TXNRD1: variants seen among roughly 807,000 people sequenced by gnomAD.
TXNRD1 encodes thioredoxin reductase 1, cytoplasmic.
TXNRD1 carries 57 observed loss-of-function variants against 80.3 expected under a neutral mutation model. The ratio of observed to expected loss-of-function variants is 0.71; its 90% CI spans 0.57 to 0.89. The LOEUF is 0.89. TXNRD1 is among the 40% of genes least tolerant of loss of function. The probability of loss-of-function intolerance (pLI) is 0.00; values close to 1 mark genes in which losing one functional copy is unlikely to be tolerated. For synonymous variants in TXNRD1, 291 were observed against 285.2 expected (o/e 1.02, Z -0.20); for missense variants, 730 against 803.0 (o/e 0.91, Z 1.10).
At position 104,287,454 on chromosome 12, in the gene TXNRD1, G is replaced by A. The variant is rs754051567; in HGVS notation, c.305-1477G>A. ...TGGGTATTGTATCGTTTCTTACAGA[G>A]TCCGAGTCTTGAAATGTAGATGACA... On this transcript the variant is annotated intron_variant, in intron 3 of 16. Coordinates refer to ENST00000525566, the MANE Select transcript of TXNRD1 (RefSeq NM_001093771.3). The A allele has an allele frequency of 1.4e-5, 22 of 1,612,214 alleles. 1 individual carries two copies. In the South Asian group the frequency reaches 1.9e-4, roughly 14 times the overall value.
At chr12:104,291,350 G>A (rs1306077686) in intron 4 of TXNRD1, among the ~76,000 whole-genome samples, 2 of 150,402 alleles carry the variant, frequency 1.3e-5, no homozygotes, top group African/African-American at 4.9e-5. Context: ...ACAGGCACAC[G>A]CCACCACACC....
intron 3 of TXNRD1, chr12:104,280,460 G>A (rs200086817): frequency 6.6e-6 from 1 of 152,184 alleles, no homozygotes; most frequent in African/African-American, 2.4e-5. Flanking sequence ...CCAGGGCTCT[G>A]TCCTGGGCCA....
intron 14 of TXNRD1, among the ~76,000 whole-genome samples, chr12:104,332,772 G>T (rs1049983270): frequency 6.8e-5 from 7 of 102,722 alleles, no homozygotes; most frequent in African/African-American, 2.7e-4. Flanking sequence ...AAAAAAAAAA[G>T]AATAGTATAT....
intron 3 of TXNRD1, among the ~76,000 whole-genome samples, chr12:104,272,567 A>G (rs868759082): frequency 6.6e-6 from 1 of 152,216 alleles, no homozygotes; most frequent in Middle Eastern, 3.4e-3. Context: ...GGCCAAGGCG[A>G]GCAGATCACG....
intron 3 of TXNRD1, among the ~76,000 whole-genome samples, chr12:104,277,116 G>A (rs749709470): frequency 3.4e-4 from 52 of 151,824 alleles, no homozygotes; most frequent in Non-Finnish European, 6.6e-4. Flanking sequence ...CATAGGCCGG[G>A]TGCGGTGGCT....
At chr12:104,320,355 T>G (rs2135829079) in intron 9 of TXNRD1, among the ~76,000 whole-genome samples, 1 of 152,330 alleles carries the variant, frequency 6.6e-6, no homozygotes, top group South Asian at 2.1e-4. Context: ...GAGGCAGGTC[T>G]CTGGGGCCTT....
chr12:104,325,373 A>G lies in TXNRD1; in HGVS notation c.1252A>G (p.Arg418Gly). The G allele has an allele frequency of 1.9e-6, 3 of 1,613,566 alleles. No homozygotes were observed. The highest frequency in any genetic ancestry group is 2.5e-6 in the Non-Finnish European group (3 of 1,179,702). ...TGAAGCAGGGACACCAGGCCGACTC[A>G]GAGTAGTAGCTCAGTCCACCAATAG... ...QIEAGTPGRL[R>G]VVAQSTNSEE... Residue 418 changes from arginine (R) to glycine (G), a missense_variant, in exon 11 of 17, where the codon AGA becomes GGA. Coordinates refer to ENST00000525566, the MANE Select transcript of TXNRD1 (RefSeq NM_001093771.3).
rs2036561504 is a variant in TXNRD1 at position 104,348,450 on chromosome 12, T to G, written c.*29T>G. On this transcript the variant is annotated 3_prime_UTR_variant, in exon 17 of 17. Coordinates refer to ENST00000525566, the MANE Select transcript of TXNRD1 (RefSeq NM_001093771.3). ...CCAGTGTGGATGCTGTTGCCAAGAC[T>G]GCAAACCACTGGCTCGTTTCCGTGC... 6.2e-7 allele frequency: 1 copy of G among 1,610,330 alleles called. No individual in the cohort carries two copies. Among genetic ancestry groups the G allele is most frequent in the East Asian group, 2.2e-5 (1 of 44,850 alleles).
At chr12:104,239,827 A>C (rs1202616224) in intron 1 of TXNRD1, among the ~76,000 whole-genome samples, 1 of 152,118 alleles carries the variant, frequency 6.6e-6, no homozygotes, top group Non-Finnish European at 1.5e-5. Context: ...CTTTCTAGGA[A>C]TTTGTTCATT....
chr12:104,291,736 C>T (rs2135752626), intron 4 of TXNRD1, among the ~76,000 whole-genome samples: 1 of 152,314 alleles, frequency 6.6e-6, no homozygotes, highest in Non-Finnish European at 1.5e-5. Flanking sequence ...CCCACTTCGG[C>T]CTTCCAAAGT....
intron 4 of TXNRD1, among the ~76,000 whole-genome samples, chr12:104,293,073 C>G (rs553796591): frequency 6.6e-6 from 1 of 152,242 alleles, no homozygotes; most frequent in African/African-American, 2.4e-5. Context: ...CTTTCATAAA[C>G]ATCTTGGTTT....
chr12:104,263,881 A>T (rs1038514979), intron 3 of TXNRD1, among the ~76,000 whole-genome samples: 1 of 152,156 alleles, frequency 6.6e-6, no homozygotes. Context: ...TCTCTTACTT[A>T]ATCCTCACAA....
intron 1 of TXNRD1, among the ~76,000 whole-genome samples, chr12:104,216,477 A>G (rs116897429): frequency 0.019 from 2,963 of 152,324 alleles, 42 homozygotes; most frequent in Middle Eastern, 0.078. Context: ...TTCTTCCAGA[A>G]GAGAAAGCTC....
chr12:104,266,323 C>G (rs748408276), intron 3 of TXNRD1, among the ~76,000 whole-genome samples: 1 of 151,906 alleles, frequency 6.6e-6, no homozygotes, highest in Non-Finnish European at 1.5e-5. Flanking sequence ...GTGGGGAGAT[C>G]GAGACCATCC....
chr12:104,343,343 T>C (rs555632425), intron 16 of TXNRD1, among the ~76,000 whole-genome samples: 2 of 152,242 alleles, frequency 1.3e-5, no homozygotes, highest in African/African-American at 4.8e-5. Context: ...CCACAGACTG[T>C]CCTACCATAT....
chr12:104,262,583 A>G (rs2033390320), intron 3 of TXNRD1: 1 of 152,212 alleles, frequency 6.6e-6, no homozygotes, highest in African/African-American at 2.4e-5. Flanking sequence ...GGCCTGGATC[A>G]TAGTGGGTAT....
At chr12:104,265,571 G>T (rs2033464948) in intron 3 of TXNRD1, 4 of 1,608,452 alleles carry the variant, frequency 2.5e-6, no homozygotes, top group Non-Finnish European at 3.4e-6. Context: ...GACTCCCGGA[G>T]CGGCACCCAC....
At chr12:104,274,657 C>T (rs1399500071) in intron 3 of TXNRD1, among the ~76,000 whole-genome samples, 1 of 151,092 alleles carries the variant, frequency 6.6e-6, no homozygotes, top group East Asian at 1.9e-4. Context: ...CAAGATCATG[C>T]CACTGCACTC....
At chr12:104,288,844 G>C (rs749085049) in intron 3 of TXNRD1, 87 bp from the exon 4 acceptor site, 8 of 1,611,576 alleles carry the variant, frequency 5.0e-6, no homozygotes, top group Non-Finnish European at 6.8e-6. Flanking sequence ...GCGGGGCCGG[G>C]ACGGAAGCCC....
Sources: allele counts gnomAD v4.1 joint callset (sites outside exome capture counted in the v4.1 genomes callset), GRCh38; gene constraint gnomAD v4.1.1; transcripts MANE v1.5; gene names NCBI Gene and HGNC (gene_info 2026-07-23, HGNC 2026-07-21).